Variants in ANKMY1 observed in about 807,000 individuals in gnomAD.
The protein encoded by ANKMY1 is ankyrin repeat and MYND domain-containing protein 1.
In ANKMY1, 98 loss-of-function variants were observed where a neutral mutation model predicts 102.0. The ratio of observed to expected loss-of-function variants is 0.96; its 90% confidence interval spans 0.82 to 1.14. The LOEUF (loss-of-function observed/expected upper bound fraction) is 1.14. ANKMY1 is among the 50% of genes most tolerant of loss of function. The pLI is 0.00. For missense variants in ANKMY1, 1,330 were observed against 1,347.6 expected (o/e 0.99, Z 0.20); for synonymous variants, 582 against 559.9 (o/e 1.04, Z -0.56).
At chr2:240,476,099 T>C (rs1054515334), downstream of ANKMY1, among the ~76,000 whole-genome samples, 1 of 152,180 alleles carries the variant, frequency 6.6e-6, no homozygotes, top group African/African-American at 2.4e-5. Context: ...TGTTTTAAAG[T>C]ATATTACAAA....
At chr2:240,548,933 T>C (rs1484765427) in intron 4 of ANKMY1, among the ~76,000 whole-genome samples, 1 of 152,150 alleles carries the variant, frequency 6.6e-6, no homozygotes, top group Non-Finnish European at 1.5e-5. Context: ...AAAATGGCCA[T>C]ACTGCCCAAG....
chr2:240,557,759 A>C, intron 1 of ANKMY1, 122 bp downstream of exon 1: 2 of 542,158 alleles, frequency 3.7e-6, no homozygotes, highest in Non-Finnish European at 4.7e-6. Context: ...CCACGCCCCC[A>C]GCCCCTCGGC....
At chr2:240,480,425 G>C (rs6739196) in intron 17 of ANKMY1, among the ~76,000 whole-genome samples, 1 of 152,114 alleles carries the variant, frequency 6.6e-6, no homozygotes, top group Non-Finnish European at 1.5e-5. Flanking sequence ...AGGAGGTGAG[G>C]AGGGGCTTGC....
At chr2:240,486,913 T>C (rs1386066332) in intron 15 of ANKMY1, among the ~76,000 whole-genome samples, 1 of 152,168 alleles carries the variant, frequency 6.6e-6, no homozygotes, top group Admixed American at 6.5e-5. Flanking sequence ...AATATTATTA[T>C]TATTATTTAC....
At chr2:240,509,971 C>G (rs550382948) in intron 11 of ANKMY1, among the ~76,000 whole-genome samples, 32 of 150,384 alleles carry the variant, frequency 2.1e-4, no homozygotes, top group African/African-American at 7.6e-4. Flanking sequence ...CCCTGCCTCC[C>G]TGACTCCTCC....
At position 240,524,190 on chromosome 2, in the gene ANKMY1, A is replaced by C. The variant is rs2082890358; in HGVS notation, c.1527T>G (p.Cys509Trp). The C allele has an allele frequency of 3.1e-6, 5 of 1,613,810 alleles. No homozygotes were observed. The highest frequency in any genetic ancestry group is 1.1e-5 in the South Asian group (1 of 91,082). The change falls in exon 8 of 18, where the codon TGT becomes TGG. Residue 509 changes from cysteine (C) to tryptophan (W), a missense_variant. By Grantham distance (215) the Cys-to-Trp change is radical. Coordinates refer to ENST00000401804, the MANE Select transcript of ANKMY1 (RefSeq NM_001282771.3). Reference protein sequence around the residue: ...EGGHFQDTGQCGGSIDHRSSS... With the variant: ...EGGHFQDTGQWGGSIDHRSSS... ...TGCTCCTGTGGTCTATGGACCCCCC[A>C]CACTGCCCGGTGTCCTGGAAGTGGC...
At chr2:240,553,127 G>C (rs2091818342) in intron 3 of ANKMY1, 70 bp from the exon 4 acceptor site, 1 of 1,551,520 alleles carries the variant, frequency 6.4e-7, no homozygotes, top group South Asian at 1.2e-5. Flanking sequence ...TTGAGGCTGA[G>C]CCACCATGCC....
chr2:240,525,653 G>A, intron 7 of ANKMY1, 32 bp downstream of exon 7: 2 of 1,608,070 alleles, frequency 1.2e-6, no homozygotes, highest in Non-Finnish European at 1.7e-6. Flanking sequence ...ACAGGAGACA[G>A]TTGGTGGTGC....
chr2:240,560,892 G>C, upstream of ANKMY1: 1 of 1,518,052 alleles, frequency 6.6e-7, no homozygotes, highest in Non-Finnish European at 8.7e-7. Flanking sequence ...GCGCGTGCCC[G>C]TGTTCGACGA....
chr2:240,480,132 C>T (rs1385272141), intron 17 of ANKMY1, among the ~76,000 whole-genome samples: 1 of 152,210 alleles, frequency 6.6e-6, no homozygotes, highest in Non-Finnish European at 1.5e-5. Context: ...GCGGAGGTTG[C>T]AGTGAGCCAA....
rs1249309394 is a variant in ANKMY1, at chr2:240,499,854, C to T, written c.2806+104G>A. The T allele has an allele frequency of 1.1e-5, 15 of 1,398,238 alleles. No homozygotes were observed. Among genetic ancestry groups the T allele is most frequent in the African/African-American group, 1.4e-5 (1 of 69,106 alleles). 86.6% of individuals were successfully genotyped at this position (1,398,238 alleles called of 1,614,324 possible). ...CGACGAGCCCAGCCCCAGGAAGGCC[C>T]CTCCAAGAGCCCCAGGGGGTCCAGA... On this transcript the variant is annotated intron_variant, in intron 15 of 17. Coordinates refer to ENST00000401804, the MANE Select transcript of ANKMY1 (RefSeq NM_001282771.3). This position sits in a 1 kb window ranked among gnomAD's most constrained non-coding sequence, Gnocchi z 4.2.
chr2:240,486,823 A>T (rs2076110996), intron 15 of ANKMY1, among the ~76,000 whole-genome samples: 1 of 152,168 alleles, frequency 6.6e-6, no homozygotes. Context: ...GCCATCTTTG[A>T]GCACTTTGAA....
At chr2:240,560,424 G>T, upstream of ANKMY1, 1 of 370,114 alleles carries the variant, frequency 2.7e-6, no homozygotes. Flanking sequence ...AGAGAACATG[G>T]GACGCAGAGC....
the ANKMY1 span, among the ~76,000 whole-genome samples, chr2:240,472,943 G>A: frequency 1.3e-5 from 2 of 151,934 alleles, no homozygotes; most frequent in Non-Finnish European, 2.9e-5. Context: ...TGGCCAACAC[G>A]GTGAAACCTC....
At chr2:240,554,769 T>C in intron 3 of ANKMY1, 97 bp downstream of exon 3, 2 of 1,398,698 alleles carry the variant, frequency 1.4e-6, no homozygotes, top group Non-Finnish European at 9.8e-7. Context: ...TTCCTGTTGA[T>C]GGGCCTAAAA....
intron 16 of ANKMY1, 133 bp downstream of exon 16, chr2:240,482,050 A>G (rs957689572): frequency 1.1e-6 from 1 of 951,724 alleles, no homozygotes; most frequent in African/African-American, 1.7e-5. Context: ...GACTTCCTAG[A>G]GGAGGCCATG....
intron 3 of ANKMY1, 198 bp from the exon 4 acceptor site, chr2:240,553,255 T>G (rs1388583478): frequency 1.6e-6 from 1 of 618,780 alleles, no homozygotes; most frequent in African/African-American, 1.8e-5. Flanking sequence ...GTCAGCCTGA[T>G]AGCCAGGCTC....
the ANKMY1 span, among the ~76,000 whole-genome samples, chr2:240,469,935 C>T: frequency 6.6e-6 from 1 of 152,266 alleles, no homozygotes; most frequent in East Asian, 1.9e-4. Flanking sequence ...TGTACACATG[C>T]CCATACACAT....
the ANKMY1 span, among the ~76,000 whole-genome samples, chr2:240,470,101 G>A: frequency 3.3e-5 from 5 of 152,348 alleles, no homozygotes; most frequent in South Asian, 1.0e-3. Flanking sequence ...TCCTGTCCAG[G>A]TGACCCTAAG....
Sources: gnomAD v4.1 joint callset for allele counts (sites outside exome capture counted in the v4.1 genomes callset) on GRCh38, gnomAD v4.1.1 for gene constraint, Gnocchi (gnomAD v3.1) non-coding constraint, MANE v1.5 for transcripts, NCBI Gene and HGNC (gene_info 2026-07-23, HGNC 2026-07-21) for gene names.